The following ZNF853 variants were observed in gnomAD, a reference collection of about 807,000 sequenced individuals.
ZNF853 encodes the protein zinc finger protein 853.
In ZNF853, 57 loss-of-function variants were observed where a neutral mutation model predicts 94.7. The ratio of observed to expected loss-of-function variants is 0.60; its 90% CI spans 0.49 to 0.75. The LOEUF (loss-of-function observed/expected upper bound fraction) is 0.75. ZNF853 is among the 30% of genes least tolerant of loss of function. The probability of loss-of-function intolerance (pLI) is 0.00; values close to 1 mark genes in which losing one functional copy is unlikely to be tolerated. For synonymous variants in ZNF853, 448 were observed against 406.3 expected, an observed-to-expected ratio of 1.10 and a Z score of -1.23; for missense variants, 785 against 868.9, an observed-to-expected ratio of 0.90 and a Z score of 1.21.
At position 6,622,531 on chromosome 7, in the gene ZNF853, C is replaced by T. The variant is rs573914284; in HGVS notation, c.1540C>T (p.Arg514Cys). The stretch of plus-strand genomic sequence containing the variant: ...CACGCACACGGGTGAGCGGCCACAC[C>T]GCTGCGGCGAGTGCGGCAAGGGCTT... ...QATHTGERPH[R>C]CGECGKGFSQ... Residue 514 changes from arginine to cysteine, a missense_variant, in exon 3 of 3, where the codon CGC becomes TGC. Coordinates refer to ENST00000457543, the MANE Select transcript of ZNF853 (RefSeq NM_017560.3). The T allele has an allele frequency of 4.5e-6, 7 of 1,548,366 alleles. No individual in the cohort carries two copies. Among genetic ancestry groups the T allele is most frequent in the East Asian group, 4.9e-5 (2 of 40,788 alleles).
chr7:6,620,797 A>G lies in ZNF853; in HGVS notation c.131-325A>G. Among the ~76,000 whole-genome samples the G allele has an allele frequency of 1.4e-4, 22 of 152,278 alleles. No individual in the cohort carries two copies. In the East Asian group the frequency reaches 1.9e-3, roughly 13 times the overall value. On this transcript the variant is annotated intron_variant, in intron 2 of 2. Transcript: ENST00000457543. ...GCAGCTAATTTTTTGTATTTTTAGT[A>G]GAGACAGGCTTTCGCCATGTTGCCC...
chr7:6,620,041 C>T, intron 2 of ZNF853, among the ~76,000 whole-genome samples: 1 of 152,178 alleles, frequency 6.6e-6, no homozygotes, highest in Non-Finnish European at 1.5e-5. Flanking sequence ...ACCTACCAGG[C>T]TCCAGGTACT....
Position 6,622,827 on chromosome 7 carries a change from C to G in ZNF853, c.1836C>G (p.Ile612Met). The G allele has an allele frequency of 6.6e-7, 1 of 1,522,692 alleles. No homozygotes were observed. The highest frequency in any genetic ancestry group is 2.5e-5 in the East Asian group (1 of 40,246). The allele number at this position is 1,522,692 out of a possible 1,614,324, so 94.3% of individuals were successfully genotyped here. Residue 612 changes from isoleucine to methionine, a missense_variant, in exon 3 of 3, where the codon ATC (isoleucine) becomes ATG (methionine). Ile to Met is a conservative substitution (Grantham distance 10). Transcript: ENST00000457543. ...AGCGCTTCCGACACAAGGTGCAGAT[C>G]CGCCGCCACGAGCGCCAGCTGCACG... Reference protein sequence around the residue: ...CGERFRHKVQIRRHERQLHGA... With the variant: ...CGERFRHKVQMRRHERQLHGA...
Position 6,621,845 on chromosome 7 carries a change from A to T in ZNF853, c.854A>T (p.Gln285Leu). 6.4e-7 allele frequency: 1 copy of T among 1,550,988 alleles called. No homozygotes were observed. Among genetic ancestry groups the T allele is most frequent in the Non-Finnish European group, 8.7e-7 (1 of 1,146,812 alleles). The change falls in exon 3 of 3, where the codon CAG (glutamine) becomes CTG (leucine). Residue 285 changes from glutamine to leucine, a missense_variant. Coordinates refer to ENST00000457543, the MANE Select transcript of ZNF853 (RefSeq NM_017560.3). ...QQQLLLQQQEQLQQQQQQQLL... is the reference protein window; with the variant it reads ...QQQLLLQQQELLQQQQQQQLL... Reference sequence around the variant, plus strand: ...CAGCTACTGCTGCAGCAGCAGGAACAGTTACAGCAGCAGCAGCAACAGCAG... The same window carrying T: ...CAGCTACTGCTGCAGCAGCAGGAACTGTTACAGCAGCAGCAGCAACAGCAG...
rs1421149748 is a variant in ZNF853, at chr7:6,623,860, G to A, written c.*889G>A. The A allele has an allele frequency of 6.6e-6, 1 of 152,444 alleles. No individual in the cohort carries two copies. Among genetic ancestry groups the A allele is most frequent in the Non-Finnish European group, 1.5e-5 (1 of 68,204 alleles). 9.4% of individuals were successfully genotyped at this position (152,444 alleles called of 1,614,324 possible). On this transcript the variant is annotated 3_prime_UTR_variant, in exon 3 of 3. Coordinates refer to ENST00000457543, the MANE Select transcript of ZNF853 (RefSeq NM_017560.3). Reference sequence around the variant, plus strand: ...ACTGTGGCCCCCCTGGACTCCACCAGCTTCATGCTTCTCAGATGCTACCCA... The same window carrying A: ...ACTGTGGCCCCCCTGGACTCCACCAACTTCATGCTTCTCAGATGCTACCCA...
rs1361227980 is a variant in ZNF853, at chr7:6,621,348, ACAG to A, written c.362_364del (p.Gln121del). The A allele has an allele frequency of 9.0e-6, 14 of 1,551,582 alleles. No homozygotes were observed. Among genetic ancestry groups the A allele is most frequent in the Admixed American group, 2.0e-5 (1 of 50,980 alleles). On this transcript the variant is annotated inframe_deletion, in exon 3 of 3. Transcript: ENST00000457543. ...AGCCGCAGCCACACCTAGAACTGCA[ACAG>A]CAGCCGCAGCAAGATGGGCAACAAC...
In ZNF853 at chr7:6,622,761, G is replaced by A. The variant is rs1228143924; in HGVS notation, c.1770G>A (p.Thr590=). 6.5e-7 allele frequency: 1 copy of A among 1,547,708 alleles called. No individual in the cohort carries two copies. The highest frequency in any genetic ancestry group is 8.7e-7 in the Non-Finnish European group (1 of 1,149,486). ...CCAACCTGCTGCGCCACCGGCGCAC[G>A]CACTCGGGCGAGCGGCCCTACGTGT... ...VSSNLLRHRR[T]HSGERPYVCE... Residue 590 remains threonine, a synonymous_variant, in exon 3 of 3, where the codon ACG becomes ACA. Coordinates refer to ENST00000457543, the MANE Select transcript of ZNF853 (RefSeq NM_017560.3).
In ZNF853 at chr7:6,617,246, G is replaced by T; in HGVS notation, c.69G>T (p.Glu23Asp). The change falls in exon 2 of 3, where the codon GAG becomes GAT. Residue 23 changes from glutamate to aspartate, a missense_variant. Transcript: ENST00000457543. The stretch of plus-strand genomic sequence containing the variant: ...GGATGGAAGTGGGGCCAGCCACCGA[G>T]ACCTTCGTGCTGGAACTTCAATGTC... ...TARMEVGPAT[E>D]TFVLELQCLE... is the part of the protein sequence containing the mutation. 6.5e-7 allele frequency: 1 copy of T among 1,532,966 alleles called. No individual in the cohort carries two copies. Among genetic ancestry groups the T allele is most frequent in the Non-Finnish European group, 8.8e-7 (1 of 1,137,822 alleles). 95.0% of individuals were successfully genotyped at this position (1,532,966 alleles called of 1,614,324 possible). A position where few individuals can be genotyped will look rare whatever the true frequency, so the allele number is the denominator to read the frequency against.
chr7:6,622,728 C>T lies in ZNF853; in HGVS notation c.1737C>T (p.Ser579=), dbSNP rs752768257. 68 of 1,564,672 alleles carry T rather than the reference C, an allele frequency of 4.3e-5. No individual in the cohort carries two copies. The highest frequency in any genetic ancestry group is 5.6e-5 in the Non-Finnish European group (65 of 1,157,258). The change falls in exon 3 of 3, where the codon AGC becomes AGT. Residue 579 remains serine (S), a synonymous_variant. Coordinates refer to ENST00000457543, the MANE Select transcript of ZNF853 (RefSeq NM_017560.3). ...GCGGGGACTGTGGCAAGCGCTTCAG[C>T]GTCTCCTCCAACCTGCTGCGCCACC... The part of the protein sequence containing the change: ...YACGDCGKRF[S]VSSNLLRHRR...
At position 6,622,025 on chromosome 7, in the gene ZNF853, A is replaced by C; in HGVS notation, c.1034A>C (p.Gln345Pro). ...CAGCAGCGGCAGGAGTTGGAGCGGC[A>C]GCAGGAGCTGGAACGGCAGCAGGAG... ...LEQQRQELER[Q>P]QELERQQEQR... The change falls in exon 3 of 3, where the codon CAG becomes CCG. Residue 345 changes from glutamine (Q) to proline (P), a missense_variant. Gln to Pro is a moderately conservative substitution (Grantham distance 76). Coordinates refer to ENST00000457543, the MANE Select transcript of ZNF853 (RefSeq NM_017560.3). The C allele has an allele frequency of 4.5e-6, 7 of 1,549,288 alleles. No homozygotes were observed. Among genetic ancestry groups the C allele is most frequent in the Non-Finnish European group, 5.2e-6 (6 of 1,146,540 alleles).
chr7:6,622,479 C>T lies in ZNF853; in HGVS notation c.1488C>T (p.Arg496=). The T allele has an allele frequency of 2.0e-6, 3 of 1,534,642 alleles. No individual in the cohort carries two copies. The highest frequency in any genetic ancestry group is 2.6e-6 in the Non-Finnish European group (3 of 1,141,716). Residue 496 remains arginine (R), a synonymous_variant, in exon 3 of 3, where the codon CGC becomes CGT. Coordinates refer to ENST00000457543, the MANE Select transcript of ZNF853 (RefSeq NM_017560.3). Reference sequence around the variant, plus strand: ...GGGAGTGCGGCAAGGGCTTCAGCCGCAGCACGGACCTGGTGCGCCACCAGG... The same window carrying T: ...GGGAGTGCGGCAAGGGCTTCAGCCGTAGCACGGACCTGGTGCGCCACCAGG... ...ICGECGKGFS[R]STDLVRHQAT... is the part of the protein sequence containing the mutation.
chr7:6,618,493 G>C, intron 2 of ZNF853, among the ~76,000 whole-genome samples: 1 of 152,130 alleles, frequency 6.6e-6, no homozygotes, highest in Non-Finnish European at 1.5e-5. Flanking sequence ...TGGATCGCTT[G>C]AGCTCAGGAG....
chr7:6,618,015 TC>T, intron 2 of ZNF853, among the ~76,000 whole-genome samples: 2 of 152,034 alleles, frequency 1.3e-5, no homozygotes, highest in South Asian at 4.2e-4. Flanking sequence ...GAAGGACCGT[TC>T]TGACCGAGCA....
intron 1 of ZNF853, among the ~76,000 whole-genome samples, 155 bp from the exon 2 acceptor site, chr7:6,617,035 C>T: frequency 6.6e-6 from 1 of 152,180 alleles, no homozygotes; most frequent in Non-Finnish European, 1.5e-5. Context: ...CCCCGTTCCC[C>T]GTTGCGGGGG....
chr7:6,616,690 G>A, intron 1 of ZNF853, among the ~76,000 whole-genome samples: 1 of 150,920 alleles, frequency 6.6e-6, no homozygotes, highest in East Asian at 1.9e-4. Flanking sequence ...AGTCCAGATC[G>A]CACCACTGCA....
chr7:6,621,780 A>G lies in ZNF853; in HGVS notation c.789A>G (p.Gln263=), dbSNP rs901893792. 1.9e-6 allele frequency: 3 copies of G among 1,550,052 alleles called. No homozygotes were observed. Among genetic ancestry groups the G allele is most frequent in the Middle Eastern group, 2.0e-4 (1 of 5,072 alleles). The change falls in exon 3 of 3, where the codon CAA becomes CAG. Residue 263 remains glutamine (Q), a synonymous_variant. Coordinates refer to ENST00000457543, the MANE Select transcript of ZNF853 (RefSeq NM_017560.3). ...TGCAGCAGCAGCAGGCACAGTTACA[A>G]CAGCAGCTGCTGGAACAGCAGCAGG... ...QLLQQQQAQL[Q]QQLLEQQQAQ...
chr7:6,618,667 G>A lies in ZNF853; in HGVS notation c.130+1360G>A. ...TGAGGCTACAGTGAGCTGAGATTGC[G>A]CCACTACACTCCAGCCTGGGTGACA... is the stretch of plus-strand genomic sequence containing the variant. On this transcript the variant is annotated intron_variant, in intron 2 of 2. Coordinates refer to ENST00000457543, the MANE Select transcript of ZNF853 (RefSeq NM_017560.3). 4.6e-5 allele frequency among the ~76,000 whole-genome samples: 7 copies of A among 152,218 alleles called. No individual in the cohort carries two copies. In the South Asian group the frequency reaches 1.0e-3, roughly 23 times the overall value.
Position 6,622,548 on chromosome 7 carries a change from C to T in ZNF853, c.1557C>T (p.Gly519=), listed in dbSNP as rs1316891280. The change falls in exon 3 of 3, where the codon GGC becomes GGT. Residue 519 remains glycine (G), a synonymous_variant. Coordinates refer to ENST00000457543, the MANE Select transcript of ZNF853 (RefSeq NM_017560.3). The part of the protein sequence containing the change: ...GERPHRCGEC[G]KGFSQHSNLV... Reference sequence around the variant, plus strand: ...GGCCACACCGCTGCGGCGAGTGCGGCAAGGGCTTCTCGCAGCACTCGAATC... The same window carrying T: ...GGCCACACCGCTGCGGCGAGTGCGGTAAGGGCTTCTCGCAGCACTCGAATC... The T allele has an allele frequency of 3.9e-6, 6 of 1,554,328 alleles. No individual in the cohort carries two copies. Among genetic ancestry groups the T allele is most frequent in the Non-Finnish European group, 5.2e-6 (6 of 1,149,642 alleles).
chr7:6,622,855 G>T lies in ZNF853; in HGVS notation c.1864G>T (p.Ala622Ser). Residue 622 changes from alanine (A) to serine (S), a missense_variant, in exon 3 of 3, where the codon GCG becomes TCG. Transcript: ENST00000457543. ...IRRHERQLHGAGRSRGLGLLR... is the reference protein window; with the variant it reads ...IRRHERQLHGSGRSRGLGLLR... ...CCGCCACGAGCGCCAGCTGCACGGC[G>T]CGGGCCGCTCCAGGGGCCTCGGCCT... The T allele has an allele frequency of 6.8e-7, 1 of 1,472,108 alleles. No homozygotes were observed. The highest frequency in any genetic ancestry group is 9.0e-7 in the Non-Finnish European group (1 of 1,115,948). The allele number at this position is 1,472,108 out of a possible 1,614,324, so 91.2% of individuals were successfully genotyped here. A position where few individuals can be genotyped will look rare whatever the true frequency, so the allele number is the denominator to read the frequency against.
Sources: allele counts gnomAD v4.1 joint callset (sites outside exome capture counted in the v4.1 genomes callset), GRCh38; gene constraint gnomAD v4.1.1; transcripts MANE v1.5; gene names NCBI Gene and HGNC (gene_info 2026-07-23, HGNC 2026-07-21).